The following CNTN5 variants were observed in gnomAD, a reference collection of about 807,000 sequenced individuals.
CNTN5 encodes the protein contactin 5, also known as contactin-5.
A neutral mutation model predicts 129.1 loss-of-function variants in CNTN5; 77 were observed. That is an observed-to-expected ratio of 0.60 (90% CI 0.50 to 0.72). The LOEUF is 0.72. Among genes scored for constraint, CNTN5 ranks in the 30% least tolerant of loss-of-function variants. CNTN5 has a pLI of 0.00. For synonymous variants in CNTN5, 509 were observed against 465.6 expected, an observed-to-expected ratio of 1.09 and a Z score of -1.20; for missense variants, 1,478 against 1,328.8, an observed-to-expected ratio of 1.11 and a Z score of -1.75.
chr11:99,764,666 T>G (rs1944694659), intron 3 of CNTN5, among the ~76,000 whole-genome samples: 1 of 152,182 alleles, frequency 6.6e-6, no homozygotes, highest in Non-Finnish European at 1.5e-5. Flanking sequence ...TCCGCCTGCC[T>G]CAGCCTCCCA....
intron 8 of CNTN5, among the ~76,000 whole-genome samples, chr11:99,958,425 T>C (rs1950858280): frequency 6.6e-6 from 1 of 152,098 alleles, no homozygotes; most frequent in African/African-American, 2.4e-5. Context: ...GCTGAAGAAG[T>C]AGAGAAGTAG....
At chr11:100,166,451 T>C (rs1261637303) in intron 13 of CNTN5, among the ~76,000 whole-genome samples, 2 of 151,758 alleles carry the variant, frequency 1.3e-5, no homozygotes, top group East Asian at 1.9e-4. Flanking sequence ...CTTCTGTTCA[T>C]TTCATATTAT....
chr11:99,925,694 A>G (rs1347610156), intron 7 of CNTN5, among the ~76,000 whole-genome samples: 1 of 152,108 alleles, frequency 6.6e-6, no homozygotes, highest in Non-Finnish European at 1.5e-5. Context: ...GAAAGAAACA[A>G]AAGAGATAAT....
At chr11:99,569,219 T>C (rs1344174759) in intron 3 of CNTN5, among the ~76,000 whole-genome samples, 1 of 152,230 alleles carries the variant, frequency 6.6e-6, no homozygotes, top group Non-Finnish European at 1.5e-5. Context: ...AATATCTATC[T>C]GTTCTATTTG....
chr11:99,929,153 G>A (rs750720968), intron 7 of CNTN5, among the ~76,000 whole-genome samples: 25 of 152,150 alleles, frequency 1.6e-4, no homozygotes, highest in African/African-American at 5.1e-4. Flanking sequence ...CATCTCCATC[G>A]GAGACCACCT....
chr11:99,800,906 C>A (rs765684640), intron 3 of CNTN5, among the ~76,000 whole-genome samples: 2 of 152,030 alleles, frequency 1.3e-5, no homozygotes, highest in South Asian at 4.1e-4. Context: ...TTAAGTACAG[C>A]ATTTAGACCT....
At chr11:100,089,642 A>C (rs556321378) in intron 13 of CNTN5, among the ~76,000 whole-genome samples, 1 of 152,310 alleles carries the variant, frequency 6.6e-6, no homozygotes, top group African/African-American at 2.4e-5. Context: ...CATGGAATCA[A>C]ACCAAATGCC....
At chr11:100,070,803 T>A (rs1055999663) in intron 11 of CNTN5, among the ~76,000 whole-genome samples, 1 of 152,200 alleles carries the variant, frequency 6.6e-6, no homozygotes, top group Admixed American at 6.6e-5. Flanking sequence ...GTAAGCATTT[T>A]AAAATTTTAA....
intron 21 of CNTN5, among the ~76,000 whole-genome samples, chr11:100,319,605 C>T (rs541909013): frequency 3.9e-5 from 6 of 152,296 alleles, no homozygotes; most frequent in African/African-American, 9.6e-5. Context: ...CCACTCTCAG[C>T]ATTTTTAGAG....
intron 1 of CNTN5, among the ~76,000 whole-genome samples, chr11:99,239,545 C>A (rs1035944328): frequency 1.3e-5 from 2 of 152,168 alleles, no homozygotes; most frequent in Admixed American, 1.3e-4. Context: ...CTAACTGTAG[C>A]TTTCCAACTG....
intron 6 of CNTN5, among the ~76,000 whole-genome samples, chr11:99,857,067 CCTCCCTCTCTTCCTCT>C: frequency 6.6e-6 from 1 of 150,660 alleles, no homozygotes; most frequent in Middle Eastern, 3.4e-3. Context: ...TCTCTCCCTC[CCTCCCTCTCTTCCTCT>C]CTCTCTGTCT....
At chr11:99,523,875 C>T (rs1390423164) in intron 2 of CNTN5, among the ~76,000 whole-genome samples, 1 of 151,924 alleles carries the variant, frequency 6.6e-6, no homozygotes, top group South Asian at 2.1e-4. Context: ...TGATGTTTGC[C>T]AGAGTTTAGG....
intron 3 of CNTN5, among the ~76,000 whole-genome samples, chr11:99,783,301 A>C (rs1483023266): frequency 1.2e-5 from 1 of 81,758 alleles, no homozygotes; most frequent in Non-Finnish European, 2.4e-5. Flanking sequence ...AATGGCAATC[A>C]TTAAAAAGTC....
intron 13 of CNTN5, among the ~76,000 whole-genome samples, chr11:100,113,418 A>C (rs12785689): frequency 8.5e-5 from 1 of 11,820 alleles, no homozygotes; most frequent in African/African-American, 5.0e-4. Context: ...ATGCCATGCC[A>C]AAAAAAAAAA....
intron 2 of CNTN5, among the ~76,000 whole-genome samples, chr11:99,450,330 C>CA (rs1417773579): frequency 1.3e-5 from 2 of 148,998 alleles, no homozygotes; most frequent in Non-Finnish European, 3.0e-5. Context: ...TGTGTATGTA[C>CA]ATATGTGTGT....
chr11:100,290,846 A>G (rs1460037466), intron 18 of CNTN5, among the ~76,000 whole-genome samples: 1 of 150,092 alleles, frequency 6.7e-6, no homozygotes, highest in African/African-American at 2.4e-5. Context: ...GAAAATTTTC[A>G]CAACCTACTC....
At chr11:99,729,416 C>T (rs181236732) in intron 3 of CNTN5, among the ~76,000 whole-genome samples, 1 of 152,094 alleles carries the variant, frequency 6.6e-6, no homozygotes, top group Non-Finnish European at 1.5e-5. Flanking sequence ...AAGCCTAGTA[C>T]CCAATAGTTA....
intron 2 of CNTN5, among the ~76,000 whole-genome samples, chr11:99,400,224 GT>G (rs1941731433): frequency 6.6e-6 from 1 of 151,778 alleles, no homozygotes; most frequent in Non-Finnish European, 1.5e-5. Flanking sequence ...ATCTCCAAGG[GT>G]TCAATAGTTT....
intron 6 of CNTN5, among the ~76,000 whole-genome samples, chr11:99,866,410 T>C (rs192560157): frequency 7.2e-5 from 11 of 152,314 alleles, no homozygotes; most frequent in African/African-American, 2.6e-4. Flanking sequence ...TAGATACTTA[T>C]ATATTTTAAT....
Sources: allele counts gnomAD v4.1 joint callset (sites outside exome capture counted in the v4.1 genomes callset), GRCh38; gene constraint gnomAD v4.1.1; transcripts MANE v1.5; gene names NCBI Gene and HGNC (gene_info 2026-07-23, HGNC 2026-07-21).